LRMDA: variants seen among roughly 807,000 people sequenced by gnomAD.
The protein encoded by LRMDA is leucine rich melanocyte differentiation associated.
LRMDA carries 18 observed loss-of-function variants against 29.8 expected under a neutral mutation model. That is an observed-to-expected ratio of 0.60 (90% CI 0.42 to 0.90). The LOEUF is 0.90. Ranked by LOEUF, LRMDA falls within the 40% of genes least tolerant of loss-of-function variation. LRMDA has a pLI of 0.00. For synonymous variants in LRMDA, 125 were observed against 109.4 expected, an observed-to-expected ratio of 1.14 and a Z score of -0.89; for missense variants, 273 against 273.9, an observed-to-expected ratio of 1.00 and a Z score of 0.02.
intron 2 of LRMDA, among the ~76,000 whole-genome samples, chr10:75,871,807 C>T (rs1390294375): frequency 6.6e-6 from 1 of 152,172 alleles, no homozygotes; most frequent in African/African-American, 2.4e-5. Flanking sequence ...TTTTATCTTC[C>T]CCTACTCACC....
rs142427755 is a variant in LRMDA, at chr10:76,289,710, T to C, written c.517-34691T>C. Among the ~76,000 whole-genome samples, 41 of 152,312 alleles carry C rather than the reference T, an allele frequency of 2.7e-4. 1 individual carries two copies. The East Asian group carries it at 7.7e-3, about 29-fold the overall frequency. ...ACATGTAGCAAAAACCTGGTGGCTG[T>C]TTCTCAAATGTGCCTCATAACTGAC... On this transcript the variant is annotated intron_variant, in intron 5 of 6. Coordinates refer to ENST00000611255, the MANE Select transcript of LRMDA (RefSeq NM_001305581.2).
chr10:75,799,736 G>A (rs1843716430), intron 2 of LRMDA, among the ~76,000 whole-genome samples: 1 of 150,342 alleles, frequency 6.7e-6, no homozygotes, highest in African/African-American at 2.5e-5. Flanking sequence ...AGTAGAGACG[G>A]GGTTTCAGCA....
chr10:75,606,620 A>G (rs1163980130), intron 2 of LRMDA, among the ~76,000 whole-genome samples: 1 of 152,126 alleles, frequency 6.6e-6, no homozygotes, highest in Non-Finnish European at 1.5e-5. Flanking sequence ...ACAGAAGACT[A>G]TGTCTCCCAG....
intron 5 of LRMDA, among the ~76,000 whole-genome samples, chr10:76,306,637 A>T (rs1251226095): frequency 2.0e-5 from 3 of 152,244 alleles, no homozygotes; most frequent in Non-Finnish European, 4.4e-5. Flanking sequence ...GGCCTGAAAG[A>T]TAAAGAGGGC....
At chr10:76,416,463 C>T (rs758669101) in intron 6 of LRMDA, among the ~76,000 whole-genome samples, 1 of 152,196 alleles carries the variant, frequency 6.6e-6, no homozygotes, top group Non-Finnish European at 1.5e-5. Flanking sequence ...TAATATATTA[C>T]CTACTATGCT....
At chr10:76,504,401 T>C (rs181798088) in intron 6 of LRMDA, among the ~76,000 whole-genome samples, 10 of 152,176 alleles carry the variant, frequency 6.6e-5, no homozygotes, top group African/African-American at 2.4e-4. Flanking sequence ...TCTGCCTCAA[T>C]GATATGTCAG....
chr10:75,571,167 T>TG (rs34949865), intron 2 of LRMDA, among the ~76,000 whole-genome samples: 91,424 of 151,986 alleles, frequency 0.6, 31,001 homozygotes, highest in East Asian at 0.85. Flanking sequence ...TGGATGGTCC[T>TG]TTATCTTTAT....
At chr10:75,775,244 C>T (rs931009372) in intron 2 of LRMDA, among the ~76,000 whole-genome samples, 5 of 152,168 alleles carry the variant, frequency 3.3e-5, no homozygotes, top group African/African-American at 1.2e-4. Flanking sequence ...AGATTTTCCT[C>T]TTATAAATCT....
chr10:75,618,998 C>A (rs994874868), intron 2 of LRMDA, among the ~76,000 whole-genome samples: 4 of 151,842 alleles, frequency 2.6e-5, no homozygotes, highest in Admixed American at 2.6e-4. Context: ...GGGGTTTCAC[C>A]GTGTTAGCCA....
intron 6 of LRMDA, among the ~76,000 whole-genome samples, chr10:76,539,387 G>C (rs575966133): frequency 6.6e-6 from 1 of 152,298 alleles, no homozygotes; most frequent in East Asian, 1.9e-4. Context: ...ATAGCCCCAA[G>C]GAGTTTTTTC....
intron 6 of LRMDA, among the ~76,000 whole-genome samples, chr10:76,334,682 G>A (rs1840945777): frequency 6.6e-6 from 1 of 152,154 alleles, no homozygotes; most frequent in Non-Finnish European, 1.5e-5. Flanking sequence ...TTGTTGTGAT[G>A]TGTGTACTTT....
chr10:76,334,240 G>A (rs1056947243), intron 6 of LRMDA, among the ~76,000 whole-genome samples: 4 of 152,202 alleles, frequency 2.6e-5, no homozygotes, highest in Non-Finnish European at 4.4e-5. Context: ...TTGTTCAGCC[G>A]TGAGCTCGGC....
At chr10:76,393,666 T>C (rs1406740450) in intron 6 of LRMDA, among the ~76,000 whole-genome samples, 4 of 152,188 alleles carry the variant, frequency 2.6e-5, no homozygotes, top group African/African-American at 9.6e-5. Flanking sequence ...TTTAGTTTGA[T>C]GTAATCCCAA....
chr10:75,940,462 A>G (rs112152941), intron 2 of LRMDA, among the ~76,000 whole-genome samples: 2,045 of 152,228 alleles, frequency 0.013, 36 homozygotes, highest in Non-Finnish European at 0.015. Context: ...AGGCTCAGGT[A>G]AAAAGCCGTG....
chr10:76,356,708 T>C (rs183657526), intron 6 of LRMDA, among the ~76,000 whole-genome samples: 3 of 152,320 alleles, frequency 2.0e-5, no homozygotes, highest in Admixed American at 2.0e-4. Context: ...CTCTTCATCA[T>C]CTGTAGGCAT....
chr10:76,477,714 A>G (rs1842690647), intron 6 of LRMDA, among the ~76,000 whole-genome samples: 1 of 152,130 alleles, frequency 6.6e-6, no homozygotes, highest in Non-Finnish European at 1.5e-5. Context: ...ATATAGACCA[A>G]TGGAACAGAA....
chr10:75,939,871 G>C (rs1846359096), intron 2 of LRMDA, among the ~76,000 whole-genome samples: 1 of 152,068 alleles, frequency 6.6e-6, no homozygotes, highest in Admixed American at 6.6e-5. Flanking sequence ...GCCTTCCCTG[G>C]GGGACTTCAA....
intron 2 of LRMDA, among the ~76,000 whole-genome samples, chr10:75,655,523 G>A (rs966701369): frequency 6.6e-6 from 1 of 152,212 alleles, no homozygotes; most frequent in South Asian, 2.1e-4. Flanking sequence ...CTGATCATTT[G>A]TGGTGTCCTG....
chr10:76,256,933 A>G (rs550749539), intron 5 of LRMDA, among the ~76,000 whole-genome samples: 14 of 152,336 alleles, frequency 9.2e-5, no homozygotes, highest in African/African-American at 3.1e-4. Context: ...TGAACAATAT[A>G]TTTGAACTAG....
Sources: gnomAD v4.1 joint callset for allele counts (sites outside exome capture counted in the v4.1 genomes callset) on GRCh38, gnomAD v4.1.1 for gene constraint, MANE v1.5 for transcripts, NCBI Gene and HGNC (gene_info 2026-07-23, HGNC 2026-07-21) for gene names.